Variants in ATF7IP observed in about 807,000 individuals in gnomAD.
The protein encoded by ATF7IP is activating transcription factor 7 interacting protein, also known as activating transcription factor 7-interacting protein 1.
A neutral mutation model predicts 106.4 loss-of-function variants in ATF7IP; 23 were observed. The observed-to-expected ratio is 0.22, with a 90% CI of 0.16 to 0.31. The LOEUF (loss-of-function observed/expected upper bound fraction) is 0.31. Among genes scored for constraint, ATF7IP ranks in the 10% least tolerant of loss-of-function variants. The probability of loss-of-function intolerance (pLI) is 1.00; values close to 1 mark genes in which losing one functional copy is unlikely to be tolerated. For missense variants in ATF7IP, 1,334 were observed against 1,524.3 expected, an observed-to-expected ratio of 0.88 and a Z score of 2.08; for synonymous variants, 542 against 539.0, an observed-to-expected ratio of 1.01 and a Z score of -0.08.
Position 14,383,722 on chromosome 12 carries a change from T to A in ATF7IP, c.-8+17895T>A, listed in dbSNP as rs547292317. ...TTCATATTACCACACCTGCTAATGT[T>A]TTAAAAATTTTTTTTGTAGAGACAG... On this transcript the variant is annotated intron_variant, in intron 1 of 14. Transcript: ENST00000261168. Among the ~76,000 whole-genome samples, 4 of 152,192 alleles carry A rather than the reference T, an allele frequency of 2.6e-5. No individual in the cohort carries two copies. In the South Asian group the frequency reaches 6.2e-4, roughly 24 times the overall value.
intron 6 of ATF7IP, among the ~76,000 whole-genome samples, chr12:14,456,013 G>A (rs1009485257): frequency 6.6e-6 from 1 of 152,164 alleles, no homozygotes; most frequent in African/African-American, 2.4e-5. Flanking sequence ...GCTGAAATAA[G>A]TTGTTACTGA....
At chr12:14,478,850 A>T (rs947205005) in intron 12 of ATF7IP, among the ~76,000 whole-genome samples, 5 of 152,200 alleles carry the variant, frequency 3.3e-5, no homozygotes, top group African/African-American at 1.2e-4. Context: ...TCCATGGTTA[A>T]ATATGCTTGG....
At position 14,498,184 on chromosome 12, in the gene ATF7IP, C is replaced by G. The variant is rs1026069247; in HGVS notation, c.*111C>G. 9.5e-7 allele frequency: 1 copy of G among 1,050,510 alleles called. No homozygotes were observed. Among genetic ancestry groups the G allele is most frequent in the African/African-American group, 1.6e-5 (1 of 62,796 alleles). The allele number at this position is 1,050,510 out of a possible 1,614,324, so 65.1% of individuals were successfully genotyped here. A position where few individuals can be genotyped will look rare whatever the true frequency, so the allele number is the denominator to read the frequency against. The stretch of plus-strand genomic sequence containing the variant: ...TCCACCTTGTGCAAGATTTCTTGGA[C>G]AGATGTGTGTATACACTACATTTGT... On this transcript the variant is annotated 3_prime_UTR_variant, in exon 15 of 15. Transcript: ENST00000261168.
intron 6 of ATF7IP, among the ~76,000 whole-genome samples, chr12:14,453,677 T>G (rs1439646975): frequency 6.6e-6 from 1 of 151,412 alleles, no homozygotes; most frequent in Non-Finnish European, 1.5e-5. Context: ...CAGGCTGGAG[T>G]GTAACGGCGC....
At chr12:14,479,365 T>C (rs1398513442) in intron 12 of ATF7IP, among the ~76,000 whole-genome samples, 1 of 152,214 alleles carries the variant, frequency 6.6e-6, no homozygotes, top group Non-Finnish European at 1.5e-5. Flanking sequence ...TTCAAAATTT[T>C]CAAGATTTAG....
Position 14,435,087 on chromosome 12 carries a change from G to A in ATF7IP, c.1645+664G>A, listed in dbSNP as rs565715826. Among the ~76,000 whole-genome samples the A allele has an allele frequency of 2.6e-5, 4 of 151,676 alleles. No individual in the cohort carries two copies. In the South Asian group the frequency reaches 8.4e-4, roughly 32 times the overall value. On this transcript the variant is annotated intron_variant, in intron 3 of 14. Transcript: ENST00000261168. ...TGGGTGACAGAGTGACACCTTGAGA[G>A]AGAGAGAGAGAAGGAGGGAGGGAGG...
At chr12:14,481,370 A>G in intron 13 of ATF7IP, 185 bp downstream of exon 13, 1 of 619,904 alleles carries the variant, frequency 1.6e-6, no homozygotes, top group Non-Finnish European at 2.8e-6. Flanking sequence ...AAATCAATGT[A>G]GTATATTCTT....
At chr12:14,377,973 T>A (rs138887782) in intron 1 of ATF7IP, among the ~76,000 whole-genome samples, 2 of 152,124 alleles carry the variant, frequency 1.3e-5, no homozygotes, top group Non-Finnish European at 2.9e-5. Context: ...CAGATTCTTA[T>A]GGAAACTGTG....
chr12:14,453,655 G>A (rs1036308153), intron 6 of ATF7IP, among the ~76,000 whole-genome samples: 4 of 148,886 alleles, frequency 2.7e-5, no homozygotes, highest in African/African-American at 7.5e-5. Context: ...AAGGAGTTTC[G>A]CTCCTGTCGC....
chr12:14,449,698 T>A (rs1036621477), intron 6 of ATF7IP, among the ~76,000 whole-genome samples: 1 of 151,884 alleles, frequency 6.6e-6, no homozygotes, highest in East Asian at 1.9e-4. Context: ...TCCATATGAA[T>A]TTTAGGATTT....
intron 1 of ATF7IP, among the ~76,000 whole-genome samples, chr12:14,415,726 T>C (rs1380933180): frequency 1.3e-5 from 2 of 150,196 alleles, no homozygotes; most frequent in Non-Finnish European, 3.0e-5. Context: ...GGATAGCTAG[T>C]GACAGTTATT....
chr12:14,462,215 T>G (rs1361956103), intron 9 of ATF7IP, among the ~76,000 whole-genome samples: 1 of 152,146 alleles, frequency 6.6e-6, no homozygotes, highest in Non-Finnish European at 1.5e-5. Flanking sequence ...TTTAAATGTT[T>G]GCATAGTACA....
intron 11 of ATF7IP, chr12:14,476,309 G>A: frequency 5.8e-6 from 1 of 171,848 alleles, no homozygotes; most frequent in South Asian, 1.2e-4. Context: ...CTGCATGGGA[G>A]GCTGAGGCAG....
At chr12:14,382,237 T>C (rs1939032188) in intron 1 of ATF7IP, among the ~76,000 whole-genome samples, 1 of 152,192 alleles carries the variant, frequency 6.6e-6, no homozygotes, top group African/African-American at 2.4e-5. Flanking sequence ...TGATTTTTAA[T>C]TAGGAAAAGA....
Position 14,466,508 on chromosome 12 carries a change from G to A in ATF7IP, c.2798-18G>A, listed in dbSNP as rs1480557501. On this transcript the variant is annotated intron_variant, in intron 9 of 14. Coordinates refer to ENST00000261168, the MANE Select transcript of ATF7IP (RefSeq NM_018179.5). ...CATTTTGTAGATGTTTTTAAAAATG[G>A]CTTTTTTTACTTTTCAGAAAACCAG... 6.3e-7 allele frequency: 1 copy of A among 1,591,216 alleles called. No homozygotes were observed. The highest frequency in any genetic ancestry group is 8.5e-7 in the Non-Finnish European group (1 of 1,171,836).
intron 13 of ATF7IP, among the ~76,000 whole-genome samples, chr12:14,490,004 C>G (rs143913297): frequency 6.6e-6 from 1 of 152,208 alleles, no homozygotes; most frequent in Non-Finnish European, 1.5e-5. Context: ...GCTAGCTGAT[C>G]ACCCCGAGGA....
At chr12:14,406,427 T>C (rs963716304) in intron 1 of ATF7IP, among the ~76,000 whole-genome samples, 5 of 151,816 alleles carry the variant, frequency 3.3e-5, no homozygotes, top group African/African-American at 4.8e-5. Context: ...AAATCTGATA[T>C]GTTTGTGATA....
At chr12:14,481,356 G>T (rs1944422195) in intron 13 of ATF7IP, 171 bp downstream of exon 13, 5 of 632,418 alleles carry the variant, frequency 7.9e-6, no homozygotes, top group Middle Eastern at 4.3e-4. Context: ...CTATAGTATA[G>T]TTAAAATCAA....
intron 13 of ATF7IP, among the ~76,000 whole-genome samples, chr12:14,493,809 T>G (rs1280098167): frequency 6.6e-6 from 1 of 152,108 alleles, no homozygotes; most frequent in Non-Finnish European, 1.5e-5. Context: ...TTCAGCGCTC[T>G]CTCTACAGGA....
Sources: allele counts gnomAD v4.1 joint callset (sites outside exome capture counted in the v4.1 genomes callset), GRCh38; gene constraint gnomAD v4.1.1; transcripts MANE v1.5; gene names NCBI Gene and HGNC (gene_info 2026-07-23, HGNC 2026-07-21).